The following SLC4A8 variants were observed in gnomAD, a reference collection of about 807,000 sequenced individuals.
SLC4A8 encodes the protein solute carrier family 4 member 8, also known as electroneutral sodium bicarbonate exchanger 1.
SLC4A8 carries 40 observed loss-of-function variants against 125.0 expected under a neutral mutation model. The observed-to-expected ratio is 0.32, with a 90% CI of 0.25 to 0.42. SLC4A8 has a LOEUF of 0.42. SLC4A8 is among the 10% of genes least tolerant of loss of function. The probability of loss-of-function intolerance (pLI) is 1.00; values close to 1 mark genes in which losing one functional copy is unlikely to be tolerated. For synonymous variants in SLC4A8, 456 were observed against 476.0 expected, an observed-to-expected ratio of 0.96 and a Z score of 0.55; for missense variants, 863 against 1,355.1, an observed-to-expected ratio of 0.64 and a Z score of 5.70.
intron 1 of SLC4A8, among the ~76,000 whole-genome samples, chr12:51,435,133 CA>C (rs1360560896): frequency 6.6e-6 from 1 of 152,134 alleles, no homozygotes; most frequent in Non-Finnish European, 1.5e-5. Flanking sequence ...TGATCAGATT[CA>C]GGGACAATTT....
At chr12:51,455,155 A>G (rs928238577) in intron 5 of SLC4A8, among the ~76,000 whole-genome samples, 1 of 149,622 alleles carries the variant, frequency 6.7e-6, no homozygotes, top group Admixed American at 6.7e-5. Context: ...ATCTCAAGGC[A>G]GAAGAATTTT....
chr12:51,463,766 C>A, intron 11 of SLC4A8, 52 bp downstream of exon 11: 2 of 1,242,798 alleles, frequency 1.6e-6, no homozygotes, highest in Non-Finnish European at 2.3e-6. Context: ...AGAAGTTATG[C>A]AAAGGAATGA....
chr12:51,400,777 T>C (rs990602479), intron 1 of SLC4A8, among the ~76,000 whole-genome samples: 310 of 10,000 alleles, frequency 0.031, 49 homozygotes, highest in Admixed American at 0.18. Flanking sequence ...TATATATATA[T>C]ACATACATAC....
intron 9 of SLC4A8, 161 bp from the exon 10 acceptor site, chr12:51,462,149 T>G: frequency 1.6e-6 from 1 of 642,160 alleles, no homozygotes; most frequent in South Asian, 1.9e-5. Context: ...TTTAAATCCT[T>G]TTATCCTTGC....
intron 4 of SLC4A8, among the ~76,000 whole-genome samples, chr12:51,453,296 A>G (rs1046917951): frequency 1.3e-5 from 2 of 152,248 alleles, no homozygotes; most frequent in African/African-American, 4.8e-5. Flanking sequence ...GGTGTCTTAT[A>G]CATGTATGTA....
chr12:51,480,252 A>T, intron 16 of SLC4A8: 1 of 1,268,516 alleles, frequency 7.9e-7, no homozygotes, highest in Non-Finnish European at 1.0e-6. Flanking sequence ...TTTATTTCAG[A>T]TTGAGAGTTG....
intron 1 of SLC4A8, among the ~76,000 whole-genome samples, chr12:51,429,677 T>A (rs1052320111): frequency 4.6e-5 from 7 of 151,868 alleles, no homozygotes; most frequent in East Asian, 1.9e-4. Context: ...TATTTTTTTT[T>A]ATTTTAATTT....
At chr12:51,443,015 A>T (rs1421972220) in intron 2 of SLC4A8, among the ~76,000 whole-genome samples, 1 of 152,156 alleles carries the variant, frequency 6.6e-6, no homozygotes, top group Non-Finnish European at 1.5e-5. Flanking sequence ...TTTCCCCTTT[A>T]TGTCATAACT....
intron 19 of SLC4A8, among the ~76,000 whole-genome samples, chr12:51,491,541 A>AG (rs1951316862): frequency 6.6e-6 from 1 of 152,160 alleles, no homozygotes; most frequent in Admixed American, 6.5e-5. Context: ...GCAACATTGG[A>AG]GGCCTCAGGT....
intron 1 of SLC4A8, among the ~76,000 whole-genome samples, chr12:51,425,729 CTG>C (rs1158813391): frequency 6.6e-6 from 1 of 152,188 alleles, no homozygotes; most frequent in Non-Finnish European, 1.5e-5. Flanking sequence ...GTGTTAGAGT[CTG>C]TAGTTTGAAA....
chr12:51,479,314 A>G (rs1950948341), intron 16 of SLC4A8, among the ~76,000 whole-genome samples: 1 of 152,228 alleles, frequency 6.6e-6, no homozygotes, highest in South Asian at 2.1e-4. Context: ...ACAGGCGTCA[A>G]AAATGGATTG....
Position 51,471,525 on chromosome 12 carries a change from C to A in SLC4A8, c.1897C>A (p.Leu633Ile). The A allele has an allele frequency of 6.2e-7, 1 of 1,613,638 alleles. No individual in the cohort carries two copies. Among genetic ancestry groups the A allele is most frequent in the Non-Finnish European group, 8.5e-7 (1 of 1,179,772 alleles). The change falls in exon 14 of 25, where the codon CTC (leucine) becomes ATC (isoleucine). Residue 633 changes from leucine to isoleucine, a missense_variant. This residue lies in a region of SLC4A8 where 76 missense variants were observed against 80.2 expected (regional missense o/e 0.95). Coordinates refer to ENST00000453097, the MANE Select transcript of SLC4A8 (RefSeq NM_001039960.3). ...GCACAGCCAGCTGGACCACCTTAGC[C>A]TCTATTAGTAAGTGTGCTTTCTGCT... ...HMHSQLDHLS[L>I]YYCRCTLPEN...
In SLC4A8 at chr12:51,494,883, T is replaced by G. The variant is rs1951421609; in HGVS notation, c.2770-62T>G. 14 of 1,400,944 alleles carry G rather than the reference T, an allele frequency of 1.0e-5. No individual in the cohort carries two copies. In the South Asian group the frequency reaches 1.6e-4, roughly 16 times the overall value. The allele number at this position is 1,400,944 out of a possible 1,614,324, so 86.8% of individuals were successfully genotyped here. ...AGGTAATGTAAGAGATATGAATTGG[T>G]CTAACAAAGCTTCTGACCCAGAATG... On this transcript the variant is annotated intron_variant, in intron 20 of 24. Transcript: ENST00000453097.
chr12:51,484,497 T>A (rs565003980), intron 16 of SLC4A8, among the ~76,000 whole-genome samples: 1 of 152,142 alleles, frequency 6.6e-6, no homozygotes, highest in African/African-American at 2.4e-5. Flanking sequence ...GGGCTTCATG[T>A]TGGGGATGGG....
At position 51,485,769 on chromosome 12, in the gene SLC4A8, A is replaced by G. The variant is rs202183793; in HGVS notation, c.2173-18A>G. 4 of 1,441,528 alleles carry G rather than the reference A, an allele frequency of 2.8e-6. No individual in the cohort carries two copies. The South Asian group carries it at 3.4e-5, about 12-fold the overall frequency. The allele number at this position is 1,441,528 out of a possible 1,614,324, so 89.3% of individuals were successfully genotyped here. On this transcript the variant is annotated intron_variant, in intron 16 of 24. Coordinates refer to ENST00000453097, the MANE Select transcript of SLC4A8 (RefSeq NM_001039960.3). ...ATTTAACCTGCCAAAACATGTGTCC[A>G]CTTCTTTCTCATGCCAGGTACGCTC...
At position 51,434,653 on chromosome 12, in the gene SLC4A8, C is replaced by T. The variant is rs1242538150; in HGVS notation, c.49-6055C>T. Among the ~76,000 whole-genome samples, 5 of 152,074 alleles carry T rather than the reference C, an allele frequency of 3.3e-5. No homozygotes were observed. In the East Asian group the frequency reaches 9.6e-4, roughly 29 times the overall value. ...GATTGACCTTGCTCTTTATATTTTG[C>T]AGTTACAATTTTAAAGAAATCAATC... On this transcript the variant is annotated intron_variant, in intron 1 of 24. Transcript: ENST00000453097.
In SLC4A8 at chr12:51,462,461, T is replaced by G; in HGVS notation, c.1248+5T>G. 6.4e-7 allele frequency: 1 copy of G among 1,558,634 alleles called. No homozygotes were observed. Among genetic ancestry groups the G allele is most frequent in the Non-Finnish European group, 8.6e-7 (1 of 1,156,586 alleles). ...CCCAAAAATGTCCCTTCCCAGGTAA[T>G]GTATGCACATCAGCCAATGTGGCTA... On this transcript the variant is annotated splice_donor_5th_base_variant and intron_variant, in intron 10 of 24. Transcript: ENST00000453097.
intron 11 of SLC4A8, among the ~76,000 whole-genome samples, chr12:51,468,585 C>A (rs1950594760): frequency 6.6e-6 from 1 of 152,048 alleles, no homozygotes. Flanking sequence ...CGGTGAAACC[C>A]CGACTCTACT....
chr12:51,497,558 T>TTTAATGATACGGCG, intron 22 of SLC4A8: 1 of 157,628 alleles, frequency 6.3e-6, no homozygotes, highest in South Asian at 1.9e-4. Flanking sequence ...TTTTTTCATT[T>TTTAATGATACGGCG]CCCTCAGCAC....
Sources: allele counts gnomAD v4.1 joint callset (sites outside exome capture counted in the v4.1 genomes callset), GRCh38; gene constraint gnomAD v4.1.1; regional missense constraint gnomAD v4.1.1; transcripts MANE v1.5; gene names NCBI Gene and HGNC (gene_info 2026-07-23, HGNC 2026-07-21).